The following CAMSAP3 variants were observed in gnomAD, a reference collection of about 807,000 sequenced individuals.
CAMSAP3 encodes the protein calmodulin-regulated spectrin-associated protein 3.
In CAMSAP3, 34 loss-of-function variants were observed where a neutral mutation model predicts 112.5. The observed-to-expected ratio is 0.30, with a 90% CI of 0.23 to 0.40. CAMSAP3 has a LOEUF of 0.40. CAMSAP3 is among the 10% of genes least tolerant of loss of function. CAMSAP3 has a pLI of 1.00. For synonymous variants in CAMSAP3, 868 were observed against 799.8 expected (o/e 1.09, Z -1.44); for missense variants, 1,602 against 1,770.3 (o/e 0.90, Z 1.71).
At chr19:7,599,266 TACCCACTGCACTCATCCATCCACCC>T (rs988110230) in intron 1 of CAMSAP3, among the ~76,000 whole-genome samples, 2 of 66,024 alleles carry the variant, frequency 3.0e-5, no homozygotes, top group African/African-American at 1.2e-4. Context: ...CCCACCCACC[TACCCACTGCACTCATCCATCCACCC>T]ACCCACCCCA....
At chr19:7,604,620 C>T (rs1011125123) in intron 1 of CAMSAP3, among the ~76,000 whole-genome samples, 1 of 152,012 alleles carries the variant, frequency 6.6e-6, no homozygotes. Flanking sequence ...CTCCCCTGCT[C>T]GCCTGTGTGC....
At chr19:7,605,643 C>A (rs185269907) in intron 2 of CAMSAP3, among the ~76,000 whole-genome samples, 164 bp downstream of exon 2, 2 of 151,744 alleles carry the variant, frequency 1.3e-5, no homozygotes, top group East Asian at 3.9e-4. Context: ...TGGCTCCTCC[C>A]CCAGGTTCCT....
intron 5 of CAMSAP3, among the ~76,000 whole-genome samples, chr19:7,609,802 G>T (rs2030381420): frequency 1.3e-5 from 2 of 152,012 alleles, no homozygotes; most frequent in Non-Finnish European, 2.9e-5. Flanking sequence ...TCATAAGGAG[G>T]GTGCAACCTA....
intron 2 of CAMSAP3, 146 bp downstream of exon 2, chr19:7,605,625 A>C (rs937861522): frequency 7.3e-6 from 7 of 953,622 alleles, no homozygotes; most frequent in South Asian, 2.6e-5. Context: ...AGCTCCTCCC[A>C]TCAGGCTTGG....
chr19:7,615,405 C>A lies in CAMSAP3; in HGVS notation c.2811-13C>A. The stretch of plus-strand genomic sequence containing the variant: ...CGTGAGCGGTTCTGATGCCGATTCC[C>A]TGTGATCTGCAGGCTGGCCCAAGAG... On this transcript the variant is annotated splice_polypyrimidine_tract_variant and intron_variant, in intron 12 of 16. Coordinates refer to ENST00000160298, the MANE Select transcript of CAMSAP3 (RefSeq NM_020902.2). The surrounding 1 kb of genome is among the most constrained non-coding windows in gnomAD (Gnocchi z 6.5). 1 of 1,539,794 alleles carries A rather than the reference C, an allele frequency of 6.5e-7. No individual in the cohort carries two copies. The highest frequency in any genetic ancestry group is 8.7e-7 in the Non-Finnish European group (1 of 1,144,552).
In CAMSAP3 at chr19:7,612,081, T is replaced by A. The variant is rs2030523788; in HGVS notation, c.1588T>A (p.Ser530Thr). The A allele has an allele frequency of 1.4e-5, 22 of 1,608,194 alleles. No homozygotes were observed. The highest frequency in any genetic ancestry group is 1.8e-5 in the Non-Finnish European group (21 of 1,176,250). ...MPHPETPSKP[S>T]PCLVGEASKP... ...ACACCCCGAGACCCCCTCGAAACCATCTCCCTGTCTGGTGGGGGAGGCATC... is the reference window on the plus strand; with the variant it reads ...ACACCCCGAGACCCCCTCGAAACCAACTCCCTGTCTGGTGGGGGAGGCATC... Residue 530 changes from serine to threonine, a missense_variant, in exon 11 of 17, where the codon TCT becomes ACT. Transcript: ENST00000160298.
chr19:7,608,633 C>CT (rs1012617941), intron 5 of CAMSAP3, among the ~76,000 whole-genome samples: 25,853 of 131,642 alleles, frequency 0.2, 2,914 homozygotes, highest in Admixed American at 0.29. Context: ...TCCAAAAGTA[C>CT]TTTTTTTTTT....
chr19:7,607,895 CA>C lies in CAMSAP3; in HGVS notation c.622-230del. 1.1e-6 allele frequency: 1 copy of C among 942,982 alleles called. No homozygotes were observed. Among genetic ancestry groups the C allele is most frequent in the Non-Finnish European group, 1.7e-6 (1 of 598,758 alleles). The allele number at this position is 942,982 out of a possible 1,614,324, so 58.4% of individuals were successfully genotyped here. A position where few individuals can be genotyped will look rare whatever the true frequency, so the allele number is the denominator to read the frequency against. ...TAATGTATCCCCCGCCCCGGGGTCC[CA>C]GGAGTCCCTGTCCCCAGCCCCCGCT... On this transcript the variant is annotated intron_variant, in intron 4 of 16. Transcript: ENST00000160298. This position sits in a 1 kb window ranked among gnomAD's most constrained non-coding sequence, Gnocchi z 4.9.
rs1304142647 is a variant in CAMSAP3, at chr19:7,615,929, C to T, written c.3112+210C>T. On this transcript the variant is annotated intron_variant, in intron 13 of 16. Transcript: ENST00000160298. The surrounding 1 kb of genome is among the most constrained non-coding windows in gnomAD (Gnocchi z 6.5). ...AGGGGGCCGGGCGCGGTGGCTCACG[C>T]CTGTAATCCCAGCACTTTGGGAGGC... 6.6e-6 allele frequency among the ~76,000 whole-genome samples: 1 copy of T among 152,054 alleles called. No individual in the cohort carries two copies. Among genetic ancestry groups the T allele is most frequent in the African/African-American group, 2.4e-5 (1 of 41,404 alleles).
intron 1 of CAMSAP3, among the ~76,000 whole-genome samples, chr19:7,597,909 G>A (rs572003074): frequency 2.0e-5 from 3 of 152,208 alleles, no homozygotes; most frequent in East Asian, 1.9e-4. Flanking sequence ...TGTGACACAC[G>A]GCAGTGGCTG....
intron 5 of CAMSAP3, among the ~76,000 whole-genome samples, chr19:7,608,656 CG>C (rs2030333128): frequency 7.5e-6 from 1 of 133,782 alleles, no homozygotes; most frequent in Non-Finnish European, 1.6e-5. Context: ...TTTTTTGAGA[CG>C]GGAGTCTTGC....
intron 1 of CAMSAP3, among the ~76,000 whole-genome samples, chr19:7,603,191 CTTTCT>C (rs2030046416): frequency 6.7e-6 from 1 of 150,164 alleles, no homozygotes. Context: ...TTACCCTGTT[CTTTCT>C]TTTCTTTTTT....
Position 7,612,392 on chromosome 19 carries a change from CA to C in CAMSAP3, c.1903del (p.Ser635AlafsTer48). 6.3e-7 allele frequency: 1 copy of C among 1,597,200 alleles called. No homozygotes were observed. Among genetic ancestry groups the C allele is most frequent in the South Asian group, 1.1e-5 (1 of 89,218 alleles). ...TCGCCAAGCACCGCCAGCGGCTGGG[CA>C]AAAGCGCCTTCCTGCAGGTGCAGCC... The part of the protein sequence containing the change: ...IFAKHRQRLG[K>X]SAFLQVQPRE... On this transcript the variant is annotated frameshift_variant, in exon 11 of 17. Transcript: ENST00000160298. LOFTEE classifies it high-confidence loss of function.
intron 1 of CAMSAP3, among the ~76,000 whole-genome samples, chr19:7,598,737 A>C (rs746791551): frequency 6.6e-6 from 1 of 151,970 alleles, no homozygotes; most frequent in Non-Finnish European, 1.5e-5. Flanking sequence ...CAGTGAGCCG[A>C]GATTGCACCA....
In CAMSAP3 at chr19:7,612,551, A is replaced by C; in HGVS notation, c.2058A>C (p.Pro686=). Residue 686 remains proline (P), a synonymous_variant, in exon 11 of 17, where the codon CCA becomes CCC. Transcript: ENST00000160298. ...GGCCCAAGGCAGTGACCTTCTCGCC[A>C]GACCTGGGCCCGGTGCCCCACGAGG... ...TSRPKAVTFS[P]DLGPVPHEGL... is the part of the protein sequence containing the mutation. 1.3e-6 allele frequency: 2 copies of C among 1,536,102 alleles called. No individual in the cohort carries two copies. Among genetic ancestry groups the C allele is most frequent in the Non-Finnish European group, 1.7e-6 (2 of 1,145,600 alleles).
At chr19:7,606,151 G>GACCCC in intron 2 of CAMSAP3, 120 bp from the exon 3 acceptor site, 1 of 151,402 alleles carries the variant, frequency 6.6e-6, no homozygotes, top group Non-Finnish European at 1.2e-5. Flanking sequence ...GCCCCCTCAA[G>GACCCC]CCCCACCCCC....
Position 7,610,848 on chromosome 19 carries a change from C to CCCG in CAMSAP3, c.995-26_995-24dup. 6.2e-7 allele frequency: 1 copy of CCCG among 1,609,332 alleles called. No individual in the cohort carries two copies. The highest frequency in any genetic ancestry group is 8.5e-7 in the Non-Finnish European group (1 of 1,179,022). ...CGGGGGCGGGTGGGAGAGCCAAACCCCCGCCTGACCCTCTTCTCTGTACTG... is the reference window on the plus strand; with the variant it reads ...CGGGGGCGGGTGGGAGAGCCAAACCCCCGCCGCCTGACCCTCTTCTCTGTACTG... On this transcript the variant is annotated intron_variant, in intron 7 of 16. Coordinates refer to ENST00000160298, the MANE Select transcript of CAMSAP3 (RefSeq NM_020902.2). The surrounding 1 kb of genome is among the most constrained non-coding windows in gnomAD (Gnocchi z 4.9).
At chr19:7,605,755 T>C (rs1320941258) in intron 2 of CAMSAP3, among the ~76,000 whole-genome samples, 3 of 149,202 alleles carry the variant, frequency 2.0e-5, no homozygotes, top group Non-Finnish European at 4.5e-5. Flanking sequence ...CTAGCTCCTA[T>C]CAGTCTTGGC....
chr19:7,616,464 C>A, intron 13 of CAMSAP3, 59 bp from the exon 14 acceptor site: 1 of 1,187,070 alleles, frequency 8.4e-7, no homozygotes, highest in Non-Finnish European at 1.3e-6. Context: ...CCTGCTGGAC[C>A]GGGTGTTGTG....
Sources: gnomAD v4.1 joint callset for allele counts (sites outside exome capture counted in the v4.1 genomes callset) on GRCh38, gnomAD v4.1.1 for gene constraint, Gnocchi (gnomAD v3.1) non-coding constraint, MANE v1.5 for transcripts, NCBI Gene and HGNC (gene_info 2026-07-23, HGNC 2026-07-21) for gene names.